Variants in DNAJC8 observed in about 807,000 individuals in gnomAD.
DNAJC8 encodes DnaJ heat shock protein family (Hsp40) member C8, also known as dnaJ homolog subfamily C member 8.
A neutral mutation model predicts 43.2 loss-of-function variants in DNAJC8; 24 were observed. That is an observed-to-expected ratio of 0.56 (90% CI 0.40 to 0.78). The LOEUF is 0.78. DNAJC8 is among the 30% of genes least tolerant of loss of function. DNAJC8 has a pLI of 0.00. For missense variants in DNAJC8, 207 were observed against 299.4 expected, an observed-to-expected ratio of 0.69 and a Z score of 2.28; for synonymous variants, 83 against 98.0, an observed-to-expected ratio of 0.85 and a Z score of 0.90.
intron 8 of DNAJC8, among the ~76,000 whole-genome samples, chr1:28,201,680 T>G (rs534232845): frequency 6.7e-6 from 1 of 149,856 alleles, no homozygotes; most frequent in South Asian, 2.1e-4. Context: ...TCCCAGCTAC[T>G]CGGGAGGCTG....
In DNAJC8 at chr1:28,200,636, G is replaced by A. The variant is rs1386656859; in HGVS notation, c.*612C>T. ...AGGCTAGGACATGGTACTGGGTGGA[G>A]GACGGCTAGCTCTTTGGAAAGTGAA... is the stretch of plus-strand genomic sequence containing the variant. On this transcript the variant is annotated 3_prime_UTR_variant, in exon 9 of 9. Coordinates refer to ENST00000263697, the MANE Select transcript of DNAJC8 (RefSeq NM_014280.3). 4 of 455,764 alleles carry A rather than the reference G, an allele frequency of 8.8e-6. No homozygotes were observed. Among genetic ancestry groups the A allele is most frequent in the South Asian group, 6.2e-5 (4 of 64,532 alleles). The allele number at this position is 455,764 out of a possible 1,614,324, so 28.2% of individuals were successfully genotyped here.
rs1412233325 is a variant in DNAJC8, at chr1:28,207,907, A to T, written c.471+435T>A. Among the ~76,000 whole-genome samples, 6 of 152,102 alleles carry T rather than the reference A, an allele frequency of 3.9e-5. No homozygotes were observed. The East Asian group carries it at 9.7e-4, about 25-fold the overall frequency. On this transcript the variant is annotated intron_variant, in intron 6 of 8. Transcript: ENST00000263697. Reference sequence around the variant, plus strand: ...CCCGTCTCTACTAAAAATACAAAAAAATTAGCCAGAGGCCGGGCAGGGTGG... The same window carrying T: ...CCCGTCTCTACTAAAAATACAAAAATATTAGCCAGAGGCCGGGCAGGGTGG...
rs965543445 is a variant in DNAJC8 at position 28,200,734 on chromosome 1, G to C, written c.*514C>G. 2.2e-6 allele frequency: 1 copy of C among 453,048 alleles called. No individual in the cohort carries two copies. The highest frequency in any genetic ancestry group is 4.4e-6 in the Non-Finnish European group (1 of 226,048). 28.1% of individuals were successfully genotyped at this position (453,048 alleles called of 1,614,324 possible). ...AGGGGGCACATGCCAAACACCACAG[G>C]GCATCAGATGCTGCTCTGTGTGCTC... On this transcript the variant is annotated 3_prime_UTR_variant, in exon 9 of 9. Transcript: ENST00000263697.
chr1:28,202,455 A>AT (rs769737177), intron 8 of DNAJC8, among the ~76,000 whole-genome samples: 23 of 149,840 alleles, frequency 1.5e-4, no homozygotes, highest in South Asian at 1.1e-3. Context: ...AATTTTTTGT[A>AT]TTTTTAGTAG....
In DNAJC8 at chr1:28,201,105, G is replaced by A; in HGVS notation, c.*143C>T. 4.2e-6 allele frequency: 5 copies of A among 1,200,424 alleles called. No individual in the cohort carries two copies. Among genetic ancestry groups the A allele is most frequent in the Non-Finnish European group, 4.7e-6 (4 of 858,908 alleles). The allele number at this position is 1,200,424 out of a possible 1,614,324, so 74.4% of individuals were successfully genotyped here. A position where few individuals can be genotyped will look rare whatever the true frequency, so the allele number is the denominator to read the frequency against. ...AATGTACAAAAGAATTACTCTGATC[G>A]ATATTAAATCGTATTGAAAACAAAA... On this transcript the variant is annotated 3_prime_UTR_variant, in exon 9 of 9. Transcript: ENST00000263697.
chr1:28,210,242 C>A, intron 4 of DNAJC8, 176 bp from the exon 5 acceptor site: 1 of 621,170 alleles, frequency 1.6e-6, no homozygotes, highest in Non-Finnish European at 2.8e-6. Flanking sequence ...TCCTTAAGAG[C>A]CTTGGAAAAA....
At chr1:28,228,304 G>A (rs184833272) in intron 2 of DNAJC8, among the ~76,000 whole-genome samples, 5 of 141,772 alleles carry the variant, frequency 3.5e-5, no homozygotes, top group Admixed American at 7.4e-5. Context: ...GGTCAAGATC[G>A]CGCCACTGCA....
chr1:28,216,416 C>T (rs562236084), intron 2 of DNAJC8, among the ~76,000 whole-genome samples: 1 of 152,198 alleles, frequency 6.6e-6, no homozygotes, highest in Admixed American at 6.5e-5. Flanking sequence ...AAACCAAAGT[C>T]CAACAAATCC....
At chr1:28,211,819 T>C (rs1056490645) in intron 3 of DNAJC8, among the ~76,000 whole-genome samples, 2 of 152,102 alleles carry the variant, frequency 1.3e-5, no homozygotes, top group African/African-American at 4.8e-5. Flanking sequence ...TCATGGTTTA[T>C]TGCAATTTAC....
chr1:28,215,791 C>T (rs1041501199), intron 2 of DNAJC8, among the ~76,000 whole-genome samples: 2 of 152,088 alleles, frequency 1.3e-5, no homozygotes, highest in Non-Finnish European at 2.9e-5. Flanking sequence ...CCTGCCTCAG[C>T]CTCCCAAAGT....
intron 4 of DNAJC8, 41 bp from the exon 5 acceptor site, chr1:28,210,107 C>T (rs780181788): frequency 3.9e-5 from 61 of 1,563,926 alleles, no homozygotes; most frequent in Non-Finnish European, 4.6e-5. Flanking sequence ...TGCAAACACC[C>T]TCTGAAAGTC....
chr1:28,220,309 G>A (rs538880031), intron 2 of DNAJC8, among the ~76,000 whole-genome samples: 28 of 152,220 alleles, frequency 1.8e-4, no homozygotes, highest in Admixed American at 3.3e-4. Context: ...TTTTACCTGC[G>A]GCCGGTCCTC....
At chr1:28,229,116 T>C in intron 1 of DNAJC8, 93 bp from the exon 2 acceptor site, 2 of 1,054,536 alleles carry the variant, frequency 1.9e-6, no homozygotes, top group Non-Finnish European at 2.8e-6. Context: ...TCAACAAACA[T>C]TTATTTGTGT....
chr1:28,218,400 C>A (rs1646875622), intron 2 of DNAJC8, among the ~76,000 whole-genome samples: 1 of 151,566 alleles, frequency 6.6e-6, no homozygotes, highest in Non-Finnish European at 1.5e-5. Context: ...CAGCCTTAAG[C>A]AACACTTCTT....
rs1258695910 is a variant in DNAJC8, at chr1:28,200,420, A to G, written c.*828T>C. The G allele has an allele frequency of 4.4e-6, 2 of 452,880 alleles. No individual in the cohort carries two copies. The highest frequency in any genetic ancestry group is 4.8e-5 in the Admixed American group (2 of 41,838). 28.1% of individuals were successfully genotyped at this position (452,880 alleles called of 1,614,324 possible). Reference sequence around the variant, plus strand: ...GCAAATCTGCCCTAAAAGCTGCTGCAGTAATTCATATTCCCATTTCATAGA... The same window carrying G: ...GCAAATCTGCCCTAAAAGCTGCTGCGGTAATTCATATTCCCATTTCATAGA... On this transcript the variant is annotated 3_prime_UTR_variant, in exon 9 of 9. Transcript: ENST00000263697.
Position 28,227,490 on chromosome 1 carries a change from C to T in DNAJC8, c.180+1432G>A, listed in dbSNP as rs546935502. On this transcript the variant is annotated intron_variant, in intron 2 of 8. Transcript: ENST00000263697. Reference sequence around the variant, plus strand: ...GGCTGTAATCCTAGCACTATGGGAGCCCAAGGTGGGCAAATCGTTTGAACC... The same window carrying T: ...GGCTGTAATCCTAGCACTATGGGAGTCCAAGGTGGGCAAATCGTTTGAACC... Among the ~76,000 whole-genome samples the T allele has an allele frequency of 3.5e-5, 5 of 143,178 alleles. No homozygotes were observed. The South Asian group carries it at 1.1e-3, about 31-fold the overall frequency. 93.9% of individuals were successfully genotyped at this position (143,178 alleles called of 152,430 possible).
intron 2 of DNAJC8, among the ~76,000 whole-genome samples, chr1:28,226,030 A>C (rs1646931830): frequency 6.6e-6 from 1 of 150,866 alleles, no homozygotes; most frequent in Non-Finnish European, 1.5e-5. Context: ...TGTTATATAT[A>C]TTTTTCCACA....
chr1:28,207,437 G>A (rs1646777139), intron 6 of DNAJC8, among the ~76,000 whole-genome samples: 1 of 150,932 alleles, frequency 6.6e-6, no homozygotes, highest in South Asian at 2.1e-4. Context: ...AATGTTTGTT[G>A]TTGTTGTTGT....
At chr1:28,206,864 T>C (rs747487506) in intron 6 of DNAJC8, among the ~76,000 whole-genome samples, 1 of 152,182 alleles carries the variant, frequency 6.6e-6, no homozygotes, top group South Asian at 2.1e-4. Flanking sequence ...TCCTGTTACC[T>C]GCTAGACACT....
Sources: gnomAD v4.1 joint callset for allele counts (sites outside exome capture counted in the v4.1 genomes callset) on GRCh38, gnomAD v4.1.1 for gene constraint, MANE v1.5 for transcripts, NCBI Gene and HGNC (gene_info 2026-07-23, HGNC 2026-07-21) for gene names.